CAMK4: variants seen among roughly 807,000 people sequenced by gnomAD.
CAMK4 encodes the protein calcium/calmodulin dependent protein kinase IV.
In CAMK4, 22 loss-of-function variants were observed where a neutral mutation model predicts 44.9. That is an observed-to-expected ratio of 0.49 (90% CI 0.35 to 0.70). CAMK4 has a LOEUF of 0.70. CAMK4 is among the 30% of genes least tolerant of loss of function. CAMK4 has a pLI of 0.01. For missense variants in CAMK4, 498 were observed against 586.8 expected (o/e 0.85, Z 1.56); for synonymous variants, 218 against 215.4 (o/e 1.01, Z -0.11).
intron 6 of CAMK4, 89 bp from the exon 7 acceptor site, chr5:111,449,040 A>T: frequency 1.6e-6 from 1 of 607,468 alleles, no homozygotes; most frequent in Non-Finnish European, 2.9e-6. Context: ...CAAATAGATA[A>T]ATAAGTTAGT....
intron 7 of CAMK4, among the ~76,000 whole-genome samples, chr5:111,465,026 G>T (rs73789608): frequency 6.6e-6 from 1 of 152,144 alleles, no homozygotes; most frequent in Admixed American, 6.5e-5. Context: ...TTAGAATATT[G>T]TCCCGTATAT....
intron 2 of CAMK4, among the ~76,000 whole-genome samples, chr5:111,370,957 G>A (rs922155948): frequency 6.6e-6 from 1 of 151,942 alleles, no homozygotes; most frequent in Non-Finnish European, 1.5e-5. Context: ...TGTTTTAATA[G>A]CATCTGCAGA....
chr5:111,389,616 A>G (rs985788782), intron 4 of CAMK4, among the ~76,000 whole-genome samples: 8 of 152,176 alleles, frequency 5.3e-5, no homozygotes, highest in South Asian at 2.1e-4. Flanking sequence ...GCCCTCTGGA[A>G]AAGTACTGCA....
intron 1 of CAMK4, among the ~76,000 whole-genome samples, chr5:111,285,163 A>G (rs216535): frequency 0.53 from 80,708 of 152,100 alleles, 22,699 homozygotes; most frequent in Non-Finnish European, 0.64. Context: ...TAAAGTGATC[A>G]TGGTACACTA....
At chr5:111,473,195 G>T in intron 7 of CAMK4, 116 bp from the exon 8 acceptor site, 2 of 757,780 alleles carry the variant, frequency 2.6e-6, no homozygotes, top group Non-Finnish European at 2.3e-6. Flanking sequence ...AGAGAAGATT[G>T]GTTATAAAAC....
chr5:111,491,629 T>C lies in CAMK4; in HGVS notation c.*7163T>C, dbSNP rs1221557574. The C allele has an allele frequency of 1.3e-5, 2 of 152,126 alleles. No individual in the cohort carries two copies. Among genetic ancestry groups the C allele is most frequent in the Non-Finnish European group, 2.9e-5 (2 of 68,026 alleles). 9.4% of individuals were successfully genotyped at this position (152,126 alleles called of 1,614,324 possible). On this transcript the variant is annotated 3_prime_UTR_variant, in exon 11 of 11. Coordinates refer to ENST00000282356, the MANE Select transcript of CAMK4 (RefSeq NM_001744.6). The stretch of plus-strand genomic sequence containing the variant: ...GAAGAAAAGAAATTTAGAGTATGAA[T>C]TGAGTTGGTTGAGAGTAGAATTAAA...
At chr5:111,265,042 G>GT (rs1258425627) in intron 1 of CAMK4, among the ~76,000 whole-genome samples, 3 of 151,002 alleles carry the variant, frequency 2.0e-5, no homozygotes, top group Non-Finnish European at 3.0e-5. Flanking sequence ...TTCCAGTTTT[G>GT]TTTTTTTGAT....
intron 5 of CAMK4, among the ~76,000 whole-genome samples, chr5:111,436,575 A>G (rs1309556941): frequency 6.6e-6 from 1 of 152,254 alleles, no homozygotes; most frequent in Non-Finnish European, 1.5e-5. Context: ...AAGCACACAC[A>G]TAAACCTCAA....
chr5:111,408,019 GA>G (rs1703067327), intron 5 of CAMK4, among the ~76,000 whole-genome samples: 1 of 152,108 alleles, frequency 6.6e-6, no homozygotes, highest in Non-Finnish European at 1.5e-5. Flanking sequence ...TGAGGCAGGA[GA>G]ATCGCTTGAA....
intron 1 of CAMK4, among the ~76,000 whole-genome samples, chr5:111,243,427 G>C (rs1749095651): frequency 6.6e-6 from 1 of 152,172 alleles, no homozygotes; most frequent in African/African-American, 2.4e-5. Flanking sequence ...AGGTTCTTAT[G>C]AAAACTGTAT....
At chr5:111,483,285 T>C (rs940820766) in intron 10 of CAMK4, among the ~76,000 whole-genome samples, 2 of 152,188 alleles carry the variant, frequency 1.3e-5, no homozygotes, top group African/African-American at 4.8e-5. Flanking sequence ...TCTTTCAGAA[T>C]ATGTAAAACT....
intron 5 of CAMK4, among the ~76,000 whole-genome samples, chr5:111,437,489 G>A (rs539755072): frequency 3.3e-5 from 5 of 152,294 alleles, no homozygotes; most frequent in Admixed American, 3.3e-4. Context: ...GGAGTTCTCA[G>A]TCCAGTGGAG....
chr5:111,470,752 T>C (rs1357726764), intron 7 of CAMK4, among the ~76,000 whole-genome samples: 1 of 152,206 alleles, frequency 6.6e-6, no homozygotes, highest in African/African-American at 2.4e-5. Flanking sequence ...TGATTTCCTA[T>C]TGAAAGTCTC....
intron 7 of CAMK4, among the ~76,000 whole-genome samples, chr5:111,460,013 G>A (rs1754584429): frequency 6.6e-6 from 1 of 151,936 alleles, no homozygotes; most frequent in South Asian, 2.1e-4. Flanking sequence ...ATATATGTGG[G>A]GGTGGGATGA....
rs1186270601 is a variant in CAMK4, at chr5:111,303,669, C to T, written c.162-40355C>T. ...GAATGGAACCAAGTTGGAAAACACT[C>T]GGCAGGATATTATCCAGGAGAACTT... On this transcript the variant is annotated intron_variant, in intron 1 of 10. Coordinates refer to ENST00000282356, the MANE Select transcript of CAMK4 (RefSeq NM_001744.6). Among the ~76,000 whole-genome samples, 13 of 143,296 alleles carry T rather than the reference C, an allele frequency of 9.1e-5. 1 individual carries two copies. The South Asian group carries it at 1.4e-3, about 15-fold the overall frequency. 94.0% of individuals were successfully genotyped at this position (143,296 alleles called of 152,430 possible). A position where few individuals can be genotyped will look rare whatever the true frequency, so the allele number is the denominator to read the frequency against.
chr5:111,482,967 G>GTTTTT lies in CAMK4; in HGVS notation c.981+34_981+35insTTTTT, dbSNP rs1755485865. ...GATAGCATATATTTTGTTTTGTTTT[G>GTTTTT]TTTTGTTTTCAAAAAATTTATCTCA... is the stretch of plus-strand genomic sequence containing the variant. On this transcript the variant is annotated intron_variant, in intron 10 of 10. Transcript: ENST00000282356. The surrounding 1 kb of genome is among the most constrained non-coding windows in gnomAD (Gnocchi z 4.9). 6.4e-7 allele frequency: 1 copy of GTTTTT among 1,561,574 alleles called. No homozygotes were observed. The highest frequency in any genetic ancestry group is 2.3e-5 in the East Asian group (1 of 43,080).
chr5:111,420,541 C>A (rs544522797), intron 5 of CAMK4, among the ~76,000 whole-genome samples: 42 of 152,176 alleles, frequency 2.8e-4, no homozygotes, highest in African/African-American at 9.6e-4. Context: ...CTGGTCTGAC[C>A]AAAATTATTA....
chr5:111,288,470 C>A (rs1437802964), intron 1 of CAMK4, among the ~76,000 whole-genome samples: 1 of 152,190 alleles, frequency 6.6e-6, no homozygotes, highest in African/African-American at 2.4e-5. Flanking sequence ...TGCCATATCA[C>A]ACTATTTTGA....
chr5:111,226,576 A>G lies in CAMK4; in HGVS notation c.161+1932A>G, dbSNP rs115735619. 7.6e-3 allele frequency among the ~76,000 whole-genome samples: 1,165 copies of G among 152,370 alleles called. 17 individuals are homozygous for G. Among genetic ancestry groups the G allele is most frequent in the African/African-American group, 0.027 (1,122 of 41,582 alleles). ...TGCTCAGAACACTTAATATTAGCCT[A>G]CATTTGGGCAAAATCATCTAACATA... On this transcript the variant is annotated intron_variant, in intron 1 of 10. Transcript: ENST00000282356.
Sources: gnomAD v4.1 joint callset for allele counts (sites outside exome capture counted in the v4.1 genomes callset) on GRCh38, gnomAD v4.1.1 for gene constraint, Gnocchi (gnomAD v3.1) non-coding constraint, MANE v1.5 for transcripts, NCBI Gene and HGNC (gene_info 2026-07-23, HGNC 2026-07-21) for gene names.